SYNPO2: variants seen among roughly 807,000 people sequenced by gnomAD.
SYNPO2 encodes the protein synaptopodin 2.
SYNPO2 carries 56 observed loss-of-function variants against 85.0 expected under a neutral mutation model. The observed-to-expected ratio is 0.66, with a 90% CI of 0.53 to 0.82. The LOEUF is 0.82. SYNPO2 is among the 40% of genes least tolerant of loss of function. The probability of loss-of-function intolerance (pLI) is 0.00; values close to 1 mark genes in which losing one functional copy is unlikely to be tolerated. For synonymous variants in SYNPO2, 602 were observed against 591.1 expected (o/e 1.02, Z -0.27); for missense variants, 1,575 against 1,534.2 (o/e 1.03, Z -0.44).
intron 4 of SYNPO2, among the ~76,000 whole-genome samples, chr4:119,050,535 T>C (rs900196225): frequency 1.3e-5 from 2 of 152,162 alleles, no homozygotes; most frequent in Non-Finnish European, 2.9e-5. Flanking sequence ...GTGCCTCTAC[T>C]TCACGGGGTT....
rs117803518 is a variant in SYNPO2 at position 119,024,844 on chromosome 4, C to T, written c.257+1263C>T. ...ATAAATATTTCTGTCACTCATATCA[C>T]TGTCATCTATCAGTAGAGGACAAGT... On this transcript the variant is annotated intron_variant, in intron 2 of 4. Transcript: ENST00000307142. Among the ~76,000 whole-genome samples the T allele has an allele frequency of 2.2e-4, 34 of 152,292 alleles. No homozygotes were observed. In the East Asian group the frequency reaches 6.0e-3, roughly 27 times the overall value.
rs1561005959 is a variant in SYNPO2 at position 119,031,119 on chromosome 4, C to T, written c.2344C>T (p.Pro782Ser). Residue 782 changes from proline (P) to serine (S), a missense_variant, in exon 4 of 5, where the codon CCA becomes TCA. Pro to Ser is a moderately conservative substitution (Grantham distance 74, BLOSUM62 -1). Transcript: ENST00000307142. ...AACTCCAGTTTCCCCAGTCTGGTCT[C>T]CAGGAGTGGCTCCCACCCAACCTCC... ...PVTPVSPVWS[P>S]GVAPTQPPAF... 1 of 1,614,122 alleles carries T rather than the reference C, an allele frequency of 6.2e-7. No homozygotes were observed. Among genetic ancestry groups the T allele is most frequent in the Admixed American group, 1.7e-5 (1 of 60,010 alleles).
At chr4:118,880,746 C>CAAAAAA (rs11348298) in intron 1 of SYNPO2, among the ~76,000 whole-genome samples, 16 of 131,786 alleles carry the variant, frequency 1.2e-4, no homozygotes, top group Non-Finnish European at 1.9e-4. Context: ...GACTCTGTCC[C>CAAAAAA]AAAAAAAAAA....
At position 119,031,584 on chromosome 4, in the gene SYNPO2, G is replaced by A; in HGVS notation, c.2809G>A (p.Ala937Thr). The A allele has an allele frequency of 1.2e-6, 2 of 1,614,126 alleles. No homozygotes were observed. The highest frequency in any genetic ancestry group is 1.7e-6 in the Non-Finnish European group (2 of 1,180,032). The change falls in exon 4 of 5, where the codon GCT (alanine) becomes ACT (threonine). Residue 937 changes from alanine to threonine, a missense_variant. Physicochemically the swap from Ala to Thr is moderately conservative, Grantham distance 58. Around this residue, in one of 3 missense-constraint regions of SYNPO2, gnomAD observed 1,508 missense variants for 1,446.8 expected, o/e 1.04. Coordinates refer to ENST00000307142, the MANE Select transcript of SYNPO2 (RefSeq NM_133477.3). ...CCACTCGCCGTCTTACCCACTGGCT[G>A]CTCTCAAGTCTCAGCCATCAGCTGC... ...PIHSPSYPLA[A>T]LKSQPSAAQP...
At chr4:118,903,901 C>T (rs970693489) in intron 1 of SYNPO2, among the ~76,000 whole-genome samples, 1 of 151,922 alleles carries the variant, frequency 6.6e-6, no homozygotes, top group Non-Finnish European at 1.5e-5. Flanking sequence ...TCAGTAGTTT[C>T]AACAAGGGGT....
At chr4:118,890,903 T>C (rs1272525911) in intron 1 of SYNPO2, among the ~76,000 whole-genome samples, 2 of 152,044 alleles carry the variant, frequency 1.3e-5, no homozygotes, top group East Asian at 3.8e-4. Flanking sequence ...CTAATTGAAA[T>C]ATGGGGACAG....
chr4:118,925,842 A>G (rs1447561861), intron 1 of SYNPO2, among the ~76,000 whole-genome samples: 1 of 152,084 alleles, frequency 6.6e-6, no homozygotes, highest in Non-Finnish European at 1.5e-5. Flanking sequence ...TAACAATTAC[A>G]GTATAGAGTT....
chr4:118,906,931 C>T (rs1732956405), intron 1 of SYNPO2, among the ~76,000 whole-genome samples: 1 of 152,036 alleles, frequency 6.6e-6, no homozygotes, highest in Non-Finnish European at 1.5e-5. Context: ...CCTCAGCCTC[C>T]TAAGTAGCTA....
At chr4:118,971,904 G>A (rs911054011) in intron 1 of SYNPO2, among the ~76,000 whole-genome samples, 1 of 152,200 alleles carries the variant, frequency 6.6e-6, no homozygotes, top group African/African-American at 2.4e-5. Context: ...TTTTGAGAAA[G>A]TGTAAGAAGG....
chr4:119,027,955 G>A (rs1232015973), intron 3 of SYNPO2, among the ~76,000 whole-genome samples: 1 of 152,134 alleles, frequency 6.6e-6, no homozygotes, highest in Non-Finnish European at 1.5e-5. Context: ...AAGGACATGT[G>A]TATACTGAGC....
intron 4 of SYNPO2, among the ~76,000 whole-genome samples, chr4:119,047,949 C>A (rs1047757945): frequency 6.6e-6 from 1 of 152,184 alleles, no homozygotes; most frequent in Non-Finnish European, 1.5e-5. Context: ...TCTCTTTTAT[C>A]GTTTTCTTCT....
chr4:119,023,899 T>C (rs939947086), intron 2 of SYNPO2, among the ~76,000 whole-genome samples: 3 of 152,374 alleles, frequency 2.0e-5, no homozygotes, highest in Non-Finnish European at 4.4e-5. Context: ...GTCAAGATTT[T>C]GTGATGGATC....
chr4:119,008,726 A>G (rs1042098124), intron 1 of SYNPO2, among the ~76,000 whole-genome samples: 2 of 152,168 alleles, frequency 1.3e-5, no homozygotes, highest in African/African-American at 4.8e-5. Context: ...CATAATTTAT[A>G]TATGATACTG....
intron 1 of SYNPO2, among the ~76,000 whole-genome samples, chr4:118,902,033 C>G (rs2389693): frequency 0.79 from 120,201 of 151,596 alleles, 47,738 homozygotes; most frequent in South Asian, 0.88. Context: ...GTATGGTCAA[C>G]AAAAGTAAAT....
At chr4:118,856,629 T>C (rs1731511327) in intron 1 of SYNPO2, among the ~76,000 whole-genome samples, 2 of 152,106 alleles carry the variant, frequency 1.3e-5, no homozygotes, top group Admixed American at 1.3e-4. Flanking sequence ...TCCTTCCACC[T>C]CTGCCTCCTG....
intron 4 of SYNPO2, among the ~76,000 whole-genome samples, chr4:119,048,215 T>C (rs778797004): frequency 6.6e-6 from 1 of 152,192 alleles, no homozygotes; most frequent in Non-Finnish European, 1.5e-5. Context: ...TTTGCATATA[T>C]TGAAGGTGGT....
upstream of SYNPO2, among the ~76,000 whole-genome samples, chr4:118,886,470 T>A (rs1732201917): frequency 6.6e-6 from 1 of 152,198 alleles, no homozygotes; most frequent in Non-Finnish European, 1.5e-5. Flanking sequence ...TTCTCATTGT[T>A]CAACTCCCAC....
upstream of SYNPO2, among the ~76,000 whole-genome samples, chr4:118,886,762 T>G (rs1432521512): frequency 6.6e-6 from 1 of 152,212 alleles, no homozygotes; most frequent in African/African-American, 2.4e-5. Context: ...ACTGGGAAAG[T>G]CAATTCGTGT....
intron 1 of SYNPO2, among the ~76,000 whole-genome samples, chr4:118,948,151 C>T (rs1203934889): frequency 1.3e-5 from 2 of 152,102 alleles, no homozygotes; most frequent in African/African-American, 4.8e-5. Context: ...TTTCATATTT[C>T]CAATAGTGGT....
Sources: gnomAD v4.1 joint callset for allele counts (sites outside exome capture counted in the v4.1 genomes callset) on GRCh38, gnomAD v4.1.1 for gene constraint, gnomAD v4.1.1 regional missense constraint, MANE v1.5 for transcripts, NCBI Gene and HGNC (gene_info 2026-07-23, HGNC 2026-07-21) for gene names.